Variants in AGBL4 observed in about 807,000 individuals in gnomAD.
The protein encoded by AGBL4 is cytosolic carboxypeptidase 6.
AGBL4 carries 58 observed loss-of-function variants against 66.4 expected under a neutral mutation model. That is an observed-to-expected ratio of 0.87 (90% CI 0.71 to 1.09). The LOEUF (loss-of-function observed/expected upper bound fraction) is 1.09, where lower values mean the gene tolerates loss of function less well. AGBL4 is among the 50% of genes least tolerant of loss of function. The pLI, the probability that AGBL4 is intolerant of heterozygous loss-of-function variation, is 0.00. For missense variants in AGBL4, 579 were observed against 631.0 expected, an observed-to-expected ratio of 0.92 and a Z score of 0.88; for synonymous variants, 234 against 222.9, an observed-to-expected ratio of 1.05 and a Z score of -0.44.
chr1:49,374,045 G>A (rs1644422218), intron 3 of AGBL4, among the ~76,000 whole-genome samples: 5 of 151,918 alleles, frequency 3.3e-5, no homozygotes. Flanking sequence ...ATCTGATATT[G>A]AGTACTACCA....
intron 4 of AGBL4, among the ~76,000 whole-genome samples, chr1:49,147,717 C>T (rs1476545031): frequency 6.6e-6 from 1 of 151,970 alleles, no homozygotes; most frequent in Non-Finnish European, 1.5e-5. Context: ...TAATTATAGC[C>T]CACTGAGAAA....
rs146769913 is a variant in AGBL4, at chr1:49,602,821, C to CAATAAATA, written c.282+94484_282+94491dup. On this transcript the variant is annotated intron_variant, in intron 3 of 13. Coordinates refer to ENST00000371839, the MANE Select transcript of AGBL4 (RefSeq NM_032785.4). Reference sequence around the variant, plus strand: ...CACATATATCCCAGAACTTAAAGTACAATAAATAAATAAATAAATAAATAA... The same window carrying CAATAAATA: ...CACATATATCCCAGAACTTAAAGTACAATAAATAAATAAATAAATAAATAAATAAATAA... 4.3e-3 allele frequency among the ~76,000 whole-genome samples: 619 copies of CAATAAATA among 144,122 alleles called. 3 individuals carry two copies. Among genetic ancestry groups the CAATAAATA allele is most frequent in the Middle Eastern group, 0.011 (3 of 282 alleles). The allele number at this position is 144,122 out of a possible 152,430, so 94.5% of individuals were successfully genotyped here. A position where few individuals can be genotyped will look rare whatever the true frequency, so the allele number is the denominator to read the frequency against.
At chr1:48,920,734 C>T (rs1654008582) in intron 5 of AGBL4, among the ~76,000 whole-genome samples, 1 of 152,144 alleles carries the variant, frequency 6.6e-6, no homozygotes, top group South Asian at 2.1e-4. Flanking sequence ...TGTGCTTCCG[C>T]ATGTTGGAAA....
At chr1:49,696,979 G>A (rs961562829) in intron 3 of AGBL4, among the ~76,000 whole-genome samples, 2 of 152,142 alleles carry the variant, frequency 1.3e-5, no homozygotes, top group African/African-American at 2.4e-5. Context: ...AGAGACAATA[G>A]AGAACAATAC....
chr1:49,233,391 A>G (rs1650477873), intron 4 of AGBL4, among the ~76,000 whole-genome samples: 1 of 152,234 alleles, frequency 6.6e-6, no homozygotes, highest in South Asian at 2.1e-4. Context: ...GAAATAGACT[A>G]AATAGAGTGA....
At chr1:49,040,179 C>G (rs1196912884) in intron 5 of AGBL4, among the ~76,000 whole-genome samples, 10 of 151,942 alleles carry the variant, frequency 6.6e-5, no homozygotes, top group Admixed American at 6.6e-4. Flanking sequence ...TGAACTGACA[C>G]TTCACCAAAG....
chr1:48,951,785 TACA>T, intron 5 of AGBL4, among the ~76,000 whole-genome samples: 1 of 152,236 alleles, frequency 6.6e-6, no homozygotes, highest in Non-Finnish European at 1.5e-5. Context: ...CTGAACTGAC[TACA>T]ACATTACCTC....
intron 1 of AGBL4, among the ~76,000 whole-genome samples, chr1:50,005,528 A>C (rs1182773035): frequency 2.0e-5 from 3 of 152,204 alleles, no homozygotes; most frequent in Admixed American, 1.3e-4. Flanking sequence ...CTTTCAAAGA[A>C]GGACAAGAAT....
At chr1:49,275,247 G>A (rs1279227200) in intron 3 of AGBL4, among the ~76,000 whole-genome samples, 1 of 152,080 alleles carries the variant, frequency 6.6e-6, no homozygotes, top group Non-Finnish European at 1.5e-5. Context: ...TATCTACATG[G>A]TTTCTTTATA....
chr1:49,558,130 C>T (rs1206267421), intron 3 of AGBL4, among the ~76,000 whole-genome samples: 1 of 151,918 alleles, frequency 6.6e-6, no homozygotes, highest in Non-Finnish European at 1.5e-5. Flanking sequence ...CAGTGATACT[C>T]ACATACTACC....
At chr1:49,660,951 G>A (rs1406947376) in intron 3 of AGBL4, among the ~76,000 whole-genome samples, 1 of 151,806 alleles carries the variant, frequency 6.6e-6, no homozygotes, top group African/African-American at 2.4e-5. Context: ...TGGCCTGTTG[G>A]GGGGTCATGC....
chr1:49,173,564 A>G (rs1199836796), intron 4 of AGBL4, among the ~76,000 whole-genome samples: 4 of 152,208 alleles, frequency 2.6e-5, no homozygotes, highest in African/African-American at 9.7e-5. Context: ...ATACAGACAA[A>G]TCTCTACTCT....
chr1:48,860,803 G>A (rs1256297156), intron 6 of AGBL4, among the ~76,000 whole-genome samples: 1 of 152,038 alleles, frequency 6.6e-6, no homozygotes, highest in East Asian at 1.9e-4. Flanking sequence ...GAGTTTGAGG[G>A]GTGAGAAAAG....
chr1:49,609,071 C>T (rs1242189348), intron 3 of AGBL4, among the ~76,000 whole-genome samples: 3 of 152,148 alleles, frequency 2.0e-5, no homozygotes, highest in African/African-American at 4.8e-5. Context: ...ATTTCTGCTA[C>T]ATTACATTGT....
At position 49,561,249 on chromosome 1, in the gene AGBL4, TA is replaced by T. The variant is rs536200461; in HGVS notation, c.282+136063del. Among the ~76,000 whole-genome samples, 42 of 151,662 alleles carry T rather than the reference TA, an allele frequency of 2.8e-4. No homozygotes were observed. In the East Asian group the frequency reaches 3.7e-3, roughly 13 times the overall value. The stretch of plus-strand genomic sequence containing the variant: ...GTAGAGCTTTTTTAAGTTTTCTTTT[TA>T]AAAAAAATTGTATATTTTTTGCTTT... On this transcript the variant is annotated intron_variant, in intron 3 of 13. Transcript: ENST00000371839.
chr1:49,693,472 A>G (rs898488541), intron 3 of AGBL4, among the ~76,000 whole-genome samples: 8 of 152,150 alleles, frequency 5.3e-5, no homozygotes, highest in African/African-American at 1.9e-4. Context: ...GGTTCTTTAG[A>G]AGCAAAACAT....
chr1:49,246,561 C>A (rs1651657223), intron 3 of AGBL4, among the ~76,000 whole-genome samples: 1 of 151,832 alleles, frequency 6.6e-6, no homozygotes, highest in African/African-American at 2.4e-5. Context: ...GGGTAAATCT[C>A]TCCCCATCTC....
chr1:49,810,184 C>A (rs1246995094), intron 2 of AGBL4, among the ~76,000 whole-genome samples: 1 of 152,078 alleles, frequency 6.6e-6, no homozygotes, highest in African/African-American at 2.4e-5. Flanking sequence ...CAAAGTCACA[C>A]AACCAGTAAG....
chr1:48,961,823 C>A (rs2148940843), intron 5 of AGBL4, among the ~76,000 whole-genome samples: 1 of 152,330 alleles, frequency 6.6e-6, no homozygotes, highest in Admixed American at 6.5e-5. Flanking sequence ...CTCTGCCCTA[C>A]AGCCTACTTC....
Sources: allele counts gnomAD v4.1 joint callset (sites outside exome capture counted in the v4.1 genomes callset), GRCh38; gene constraint gnomAD v4.1.1; transcripts MANE v1.5; gene names NCBI Gene and HGNC (gene_info 2026-07-23, HGNC 2026-07-21).